Variants in ANXA4 observed in about 807,000 individuals in gnomAD.
ANXA4 encodes the protein 35-beta calcimedin.
A neutral mutation model predicts 49.8 loss-of-function variants in ANXA4; 39 were observed. That is an observed-to-expected ratio of 0.78 (90% CI 0.61 to 1.02). ANXA4 has a LOEUF of 1.02. Among genes scored for constraint, ANXA4 ranks in the 50% least tolerant of loss-of-function variants. The probability of loss-of-function intolerance (pLI) is 0.00; values close to 1 mark genes in which losing one functional copy is unlikely to be tolerated. For missense variants in ANXA4, 360 were observed against 410.1 expected, an observed-to-expected ratio of 0.88 and a Z score of 1.05; for synonymous variants, 134 against 152.5, an observed-to-expected ratio of 0.88 and a Z score of 0.89.
At chr2:69,738,316 A>G (rs1301829596), upstream of ANXA4, among the ~76,000 whole-genome samples, 2 of 152,172 alleles carry the variant, frequency 1.3e-5, no homozygotes, top group African/African-American at 4.8e-5. Context: ...TTCCCCAAAG[A>G]AAAGTATTCC....
At chr2:69,698,344 G>T (rs1678223188) in intron 2 of ANXA4, among the ~76,000 whole-genome samples, 1 of 152,198 alleles carries the variant, frequency 6.6e-6, no homozygotes, top group South Asian at 2.1e-4. Context: ...GGAAGATGAA[G>T]CCCAGCTTTC....
chr2:69,644,147 A>C (rs1675895113), upstream of ANXA4, among the ~76,000 whole-genome samples: 1 of 135,130 alleles, frequency 7.4e-6, no homozygotes, highest in Admixed American at 7.4e-5. Context: ...CCCGTGAAGA[A>C]ACTGCCAACA....
chr2:69,720,163 T>C (rs1488540414), intron 2 of ANXA4, among the ~76,000 whole-genome samples: 1 of 152,240 alleles, frequency 6.6e-6, no homozygotes, highest in Admixed American at 6.5e-5. Context: ...TTGTTTCATA[T>C]GCTCAGGACT....
At chr2:69,647,445 G>C (rs996682413) in intron 1 of ANXA4, among the ~76,000 whole-genome samples, 1 of 150,872 alleles carries the variant, frequency 6.6e-6, no homozygotes, top group Admixed American at 6.6e-5. Flanking sequence ...GTCTCACTCT[G>C]TAGCTCAAGT....
chr2:69,820,770 C>A lies in ANXA4; in HGVS notation c.855C>A (p.Ile285=), dbSNP rs1269341108. The A allele has an allele frequency of 1.2e-6, 2 of 1,614,110 alleles. No individual in the cohort carries two copies. The highest frequency in any genetic ancestry group is 1.7e-6 in the Non-Finnish European group (2 of 1,179,996). ...GAGCAGAAATTGACATGTTGGATAT[C>A]CGGGCACACTTCAAGAGACTCTATG... is the stretch of plus-strand genomic sequence containing the variant. ...VSRAEIDMLD[I]RAHFKRLYGK... Residue 285 remains isoleucine (I), a synonymous_variant, in exon 12 of 13, where the codon ATC becomes ATA. Transcript: ENST00000394295.
At chr2:69,736,102 T>C (rs1258508859) in intron 3 of ANXA4, among the ~76,000 whole-genome samples, 1 of 152,188 alleles carries the variant, frequency 6.6e-6, no homozygotes, top group Non-Finnish European at 1.5e-5. Flanking sequence ...CCAGGTCTCC[T>C]TTTAAGACCC....
At chr2:69,756,008 C>T (rs754430467) in intron 1 of ANXA4, among the ~76,000 whole-genome samples, 13 of 152,104 alleles carry the variant, frequency 8.5e-5, no homozygotes, top group Middle Eastern at 3.2e-3. Flanking sequence ...TGCTACTGAC[C>T]ATCTACTCCC....
intron 1 of ANXA4, among the ~76,000 whole-genome samples, chr2:69,743,859 A>T (rs910755938): frequency 6.6e-6 from 1 of 152,214 alleles, no homozygotes; most frequent in Admixed American, 6.5e-5. Context: ...TAACCCGCAC[A>T]GTCAAGCCAT....
chr2:69,751,283 G>T (rs1326170490), intron 1 of ANXA4, among the ~76,000 whole-genome samples: 3 of 152,104 alleles, frequency 2.0e-5, no homozygotes, highest in Non-Finnish European at 4.4e-5. Context: ...CCCAGGCTAA[G>T]CAGGTGGATT....
chr2:69,734,355 A>G (rs1274286146), intron 3 of ANXA4, among the ~76,000 whole-genome samples: 1 of 152,184 alleles, frequency 6.6e-6, no homozygotes, highest in African/African-American at 2.4e-5. Flanking sequence ...GCATTCCTGC[A>G]TGTAGACTAA....
rs1672205680 is a variant in ANXA4 at position 69,781,670 on chromosome 2, A to G, written c.9+96A>G. On this transcript the variant is annotated intron_variant, in intron 2 of 12. Coordinates refer to ENST00000394295, the MANE Select transcript of ANXA4 (RefSeq NM_001153.5). ...TGTTAGCTTAAACAAAGCATTGTTT[A>G]CTCAACAGAGGGGAAGGAGGAGGAC... 2.8e-5 allele frequency: 40 copies of G among 1,423,488 alleles called. No individual in the cohort carries two copies. In the East Asian group the frequency reaches 8.9e-4, roughly 32 times the overall value. The allele number at this position is 1,423,488 out of a possible 1,614,324, so 88.2% of individuals were successfully genotyped here.
chr2:69,774,329 C>A (rs1433632769), intron 1 of ANXA4, among the ~76,000 whole-genome samples: 2 of 40,548 alleles, frequency 4.9e-5, no homozygotes, highest in African/African-American at 2.6e-4. Flanking sequence ...TAAAAGGAGC[C>A]CCCCCCCCCC....
chr2:69,669,585 T>C (rs1410947448), intron 2 of ANXA4, among the ~76,000 whole-genome samples: 1 of 151,362 alleles, frequency 6.6e-6, no homozygotes, highest in East Asian at 2.0e-4. Flanking sequence ...CACTCTAGCC[T>C]GGGCGACAGA....
intron 2 of ANXA4, among the ~76,000 whole-genome samples, chr2:69,668,301 A>C (rs192572669): frequency 6.6e-6 from 1 of 152,276 alleles, no homozygotes; most frequent in East Asian, 1.9e-4. Flanking sequence ...GAGAACATAG[A>C]CAAGCTAAAT....
At chr2:69,710,994 C>T (rs1678659994) in intron 2 of ANXA4, among the ~76,000 whole-genome samples, 1 of 152,158 alleles carries the variant, frequency 6.6e-6, no homozygotes, top group Admixed American at 6.5e-5. Flanking sequence ...AATACATCCA[C>T]ACAAAAACCT....
chr2:69,679,236 A>G (rs978806316), intron 2 of ANXA4, among the ~76,000 whole-genome samples: 1 of 151,950 alleles, frequency 6.6e-6, no homozygotes, highest in African/African-American at 2.4e-5. Context: ...TCCTGGGCTC[A>G]AGTGATCCTC....
intron 1 of ANXA4, among the ~76,000 whole-genome samples, chr2:69,777,211 T>C (rs572556956): frequency 1.3e-5 from 2 of 152,280 alleles, no homozygotes; most frequent in Middle Eastern, 3.4e-3. Context: ...CCACTCCCTA[T>C]TTCCCACTGT....
In ANXA4 at chr2:69,825,583, C is replaced by A; in HGVS notation, c.*68C>A. 8.6e-7 allele frequency: 1 copy of A among 1,167,860 alleles called. No individual in the cohort carries two copies. Among genetic ancestry groups the A allele is most frequent in the Non-Finnish European group, 1.3e-6 (1 of 796,900 alleles). The allele number at this position is 1,167,860 out of a possible 1,614,324, so 72.3% of individuals were successfully genotyped here. On this transcript the variant is annotated 3_prime_UTR_variant, in exon 13 of 13. Coordinates refer to ENST00000394295, the MANE Select transcript of ANXA4 (RefSeq NM_001153.5). ...ATTTTTTTAACTTCATTTTTCTACA[C>A]TGCTATTATCATTATCTCAGAATGC... is the stretch of plus-strand genomic sequence containing the variant.
chr2:69,698,099 G>A (rs1408524822), intron 2 of ANXA4, among the ~76,000 whole-genome samples: 2 of 152,150 alleles, frequency 1.3e-5, no homozygotes, highest in South Asian at 2.1e-4. Context: ...TTCAGAGTCT[G>A]ATGTGGCCTG....
Sources: allele counts gnomAD v4.1 joint callset (sites outside exome capture counted in the v4.1 genomes callset), GRCh38; gene constraint gnomAD v4.1.1; transcripts MANE v1.5; gene names NCBI Gene and HGNC (gene_info 2026-07-23, HGNC 2026-07-21).